The following EXT2 variants were observed in gnomAD, a reference collection of about 807,000 sequenced individuals.
EXT2 encodes the protein exostosin-2.
In EXT2, 53 loss-of-function variants were observed where a neutral mutation model predicts 81.6. The ratio of observed to expected loss-of-function variants is 0.65; its 90% CI spans 0.52 to 0.82. EXT2 has a LOEUF of 0.82. Ranked by LOEUF, EXT2 falls within the 40% of genes least tolerant of loss-of-function variation. The pLI is 0.00. For missense variants in EXT2, 774 were observed against 910.2 expected, an observed-to-expected ratio of 0.85 and a Z score of 1.93; for synonymous variants, 320 against 340.0, an observed-to-expected ratio of 0.94 and a Z score of 0.65.
chr11:44,116,778 T>G (rs1379644667), intron 4 of EXT2: 1 of 152,246 alleles, frequency 6.6e-6, no homozygotes. Flanking sequence ...GAGTATCTTT[T>G]CATGTGCTTA....
intron 10 of EXT2, among the ~76,000 whole-genome samples, chr11:44,218,038 C>A (rs930516568): frequency 8.5e-5 from 13 of 152,160 alleles, no homozygotes; most frequent in African/African-American, 2.9e-4. Flanking sequence ...GTTAGGCACA[C>A]AAAATATTGA....
chr11:44,236,169 G>A (rs1955961871), intron 12 of EXT2, 124 bp from the exon 13 acceptor site: 2 of 806,654 alleles, frequency 2.5e-6, no homozygotes, highest in Non-Finnish European at 4.3e-6. Context: ...GTGTGTGTGT[G>A]TGTGTGTGCA....
Position 44,178,644 on chromosome 11 carries a change from C to CT in EXT2, c.1305+6903dup, listed in dbSNP as rs953324739. Reference sequence around the variant, plus strand: ...TAGCTCGGATGTATGAAGCAGAACTCTAAGTTGAAAAGATACCAGGTTAAC... The same window carrying CT: ...TAGCTCGGATGTATGAAGCAGAACTCTTAAGTTGAAAAGATACCAGGTTAAC... On this transcript the variant is annotated intron_variant, in intron 8 of 13. Transcript: ENST00000533608. Among the ~76,000 whole-genome samples, 26 of 152,274 alleles carry CT rather than the reference C, an allele frequency of 1.7e-4. No homozygotes were observed. The Middle Eastern group carries it at 0.014, about 80-fold the overall frequency.
intron 1 of EXT2, 38 bp from the exon 2 acceptor site, chr11:44,107,645 A>C (rs1455529713): frequency 6.3e-7 from 1 of 1,575,446 alleles, no homozygotes; most frequent in Non-Finnish European, 8.6e-7. Flanking sequence ...TGCCATCCTA[A>C]ATACTTGGTT....
chr11:44,190,267 T>C (rs1431829346), intron 8 of EXT2, among the ~76,000 whole-genome samples: 1 of 152,198 alleles, frequency 6.6e-6, no homozygotes, highest in African/African-American at 2.4e-5. Flanking sequence ...TCATGCATAA[T>C]TGGAGCAAAA....
intron 10 of EXT2, among the ~76,000 whole-genome samples, chr11:44,214,355 C>A (rs1014073392): frequency 6.6e-6 from 1 of 152,098 alleles, no homozygotes; most frequent in South Asian, 2.1e-4. Context: ...ACCTCGTGAT[C>A]CGCCCGCCTC....
intron 3 of EXT2, among the ~76,000 whole-genome samples, chr11:44,109,634 G>T (rs561813819): frequency 6.6e-6 from 1 of 152,306 alleles, no homozygotes; most frequent in South Asian, 2.1e-4. Context: ...AGAAGGTAGC[G>T]TGGATATGTA....
At position 44,249,405 on chromosome 11, in the gene EXT2, A is replaced by G. The variant is rs1424084260; in HGVS notation, c.*5118A>G. On this transcript the variant is annotated 3_prime_UTR_variant, in exon 14 of 14. Coordinates refer to ENST00000533608, the MANE Select transcript of EXT2 (RefSeq NM_207122.2). ...AGAACTATCAGACAGAAGACAAGGT[A>G]GTTCTCAAGAAGTACCAGGCAGCTG... Among the ~76,000 whole-genome samples, 1 of 152,216 alleles carries G rather than the reference A, an allele frequency of 6.6e-6. No individual in the cohort carries two copies. The highest frequency in any genetic ancestry group is 2.4e-5 in the African/African-American group (1 of 41,456).
Position 44,108,240 on chromosome 11 carries a change from G to A in EXT2, c.528G>A (p.Gln176=), listed in dbSNP as rs1954091372. Residue 176 remains glutamine (Q), a synonymous_variant, in exon 2 of 14, where the codon CAG becomes CAA. Coordinates refer to ENST00000533608, the MANE Select transcript of EXT2 (RefSeq NM_207122.2). Reference sequence around the variant, plus strand: ...AGGAGACAGCACAAGCGATGGCCCAGCTCTCTAGGTATCTCACACTCATAC... The same window carrying A: ...AGGAGACAGCACAAGCGATGGCCCAACTCTCTAGGTATCTCACACTCATAC... ...RIKETAQAMA[Q]LSRWDRGTNH... 1.9e-6 allele frequency: 3 copies of A among 1,612,126 alleles called. No individual in the cohort carries two copies. The highest frequency in any genetic ancestry group is 2.7e-5 in the African/African-American group (2 of 75,046).
At chr11:44,148,395 C>G (rs1954749475) in intron 7 of EXT2, among the ~76,000 whole-genome samples, 2 of 152,158 alleles carry the variant, frequency 1.3e-5, no homozygotes, top group African/African-American at 2.4e-5. Flanking sequence ...GAAAGGGAGA[C>G]TTCTGGAAAA....
Position 44,197,916 on chromosome 11 carries a change from C to T in EXT2, c.1393C>T (p.Arg465Ter), listed in dbSNP as rs772690312. The change falls in exon 9 of 14, where the codon CGA (arginine) becomes TGA (stop). Residue 465 changes from arginine to a stop codon, truncating the protein, a stop_gained. Transcript: ENST00000533608. LOFTEE classifies it high-confidence loss of function. ...GFTAIVLTYD[R>*]VESLFRVITE... ...CACCGCCATAGTCCTCACCTACGACCGAGTAGAGAGCCTCTTCCGGGTCAT... is the reference window on the plus strand; with the variant it reads ...CACCGCCATAGTCCTCACCTACGACTGAGTAGAGAGCCTCTTCCGGGTCAT... 1.4e-5 allele frequency: 23 copies of T among 1,614,068 alleles called. No homozygotes were observed. The highest frequency in any genetic ancestry group is 1.7e-4 in the Middle Eastern group (1 of 6,060).
intron 4 of EXT2, among the ~76,000 whole-genome samples, chr11:44,119,975 CAT>C (rs1222712287): frequency 6.6e-6 from 1 of 152,070 alleles, no homozygotes; most frequent in Non-Finnish European, 1.5e-5. Flanking sequence ...TAATCCCTCT[CAT>C]ATAATCTAGC....
intron 8 of EXT2, among the ~76,000 whole-genome samples, chr11:44,174,537 T>G (rs1955128705): frequency 6.6e-6 from 1 of 152,080 alleles, no homozygotes; most frequent in Non-Finnish European, 1.5e-5. Flanking sequence ...AGTTCTTAAC[T>G]GGTTACCATT....
In EXT2 at chr11:44,108,208, C is replaced by A. The variant is rs1000640190; in HGVS notation, c.496C>A (p.Arg166Ser). Residue 166 changes from arginine (R) to serine (S), a missense_variant, in exon 2 of 14, where the codon CGC becomes AGC. Around this residue, in one of 2 missense-constraint regions of EXT2, gnomAD observed 626 missense variants for 670.5 expected, o/e 0.93. Coordinates refer to ENST00000533608, the MANE Select transcript of EXT2 (RefSeq NM_207122.2). ...CGATGTGCTTAACCAGAACACACTG[C>A]GCATCAAGGAGACAGCACAAGCGAT... is the stretch of plus-strand genomic sequence containing the variant. ...SIDVLNQNTL[R>S]IKETAQAMAQ... 6 of 1,613,574 alleles carry A rather than the reference C, an allele frequency of 3.7e-6. No homozygotes were observed. Among genetic ancestry groups the A allele is most frequent in the Non-Finnish European group, 5.1e-6 (6 of 1,180,006 alleles).
rs1041139017 is a variant in EXT2 at position 44,247,976 on chromosome 11, T to C, written c.*3689T>C. On this transcript the variant is annotated 3_prime_UTR_variant, in exon 14 of 14. Transcript: ENST00000533608. Reference sequence around the variant, plus strand: ...ATCAGAAAGTAGATGAAGCAGAGACTGGGTTTGGGAAGTGGTTGGGTTCTG... The same window carrying C: ...ATCAGAAAGTAGATGAAGCAGAGACCGGGTTTGGGAAGTGGTTGGGTTCTG... 3.3e-5 allele frequency among the ~76,000 whole-genome samples: 5 copies of C among 152,190 alleles called. 1 individual carries two copies. The South Asian group carries it at 1.0e-3, about 32-fold the overall frequency.
intron 7 of EXT2, among the ~76,000 whole-genome samples, chr11:44,133,781 T>G (rs1358378635): frequency 6.6e-6 from 1 of 152,082 alleles, no homozygotes; most frequent in Non-Finnish European, 1.5e-5. Flanking sequence ...TGGGGTAGGG[T>G]CTTGGTGAGG....
intron 3 of EXT2, among the ~76,000 whole-genome samples, chr11:44,113,913 C>T (rs899549453): frequency 3.9e-5 from 6 of 152,004 alleles, no homozygotes; most frequent in Admixed American, 3.9e-4. Flanking sequence ...AGAGGCTGTC[C>T]GTAAGGTGTC....
rs1029013518 is a variant in EXT2 at position 44,250,701 on chromosome 11, G to A, written c.*6414G>A. Among the ~76,000 whole-genome samples the A allele has an allele frequency of 1.3e-5, 2 of 152,206 alleles. No individual in the cohort carries two copies. The highest frequency in any genetic ancestry group is 4.8e-5 in the African/African-American group (2 of 41,448). On this transcript the variant is annotated 3_prime_UTR_variant, in exon 14 of 14. Coordinates refer to ENST00000533608, the MANE Select transcript of EXT2 (RefSeq NM_207122.2). ...GGGCCTCTTTTGAGGAGTCCAGAGA[G>A]CGTCCATCCGGTGCCTGGTGAGGGC...
At chr11:44,184,391 C>T (rs1189407051) in intron 8 of EXT2, among the ~76,000 whole-genome samples, 5 of 152,296 alleles carry the variant, frequency 3.3e-5, no homozygotes, top group African/African-American at 9.6e-5. Flanking sequence ...GCTCTTTCCA[C>T]GTGAGAACTA....
Sources: allele counts gnomAD v4.1 joint callset (sites outside exome capture counted in the v4.1 genomes callset), GRCh38; gene constraint gnomAD v4.1.1; regional missense constraint gnomAD v4.1.1; transcripts MANE v1.5; gene names NCBI Gene and HGNC (gene_info 2026-07-23, HGNC 2026-07-21).